PTPRT: variants seen among roughly 807,000 people sequenced by gnomAD.
The protein encoded by PTPRT is protein tyrosine phosphatase receptor type T, also known as receptor-type tyrosine-protein phosphatase T.
A neutral mutation model predicts 176.8 loss-of-function variants in PTPRT; 56 were observed. The ratio of observed to expected loss-of-function variants is 0.32; its 90% confidence interval spans 0.26 to 0.40. The LOEUF (loss-of-function observed/expected upper bound fraction) is 0.40, where lower values mean the gene tolerates loss of function less well. Among genes scored for constraint, PTPRT ranks in the 10% least tolerant of loss-of-function variants. The probability of loss-of-function intolerance (pLI) is 1.00; values close to 1 mark genes in which losing one functional copy is unlikely to be tolerated. For synonymous variants in PTPRT, 783 were observed against 739.0 expected, an observed-to-expected ratio of 1.06 and a Z score of -0.96; for missense variants, 1,540 against 1,908.2, an observed-to-expected ratio of 0.81 and a Z score of 3.60.
chr20:42,777,831 T>C (rs2145488696), intron 4 of PTPRT, among the ~76,000 whole-genome samples: 1 of 152,332 alleles, frequency 6.6e-6, no homozygotes, highest in Middle Eastern at 3.4e-3. Flanking sequence ...AGGCATTATA[T>C]ACATTGCCAG....
chr20:43,055,594 A>G (rs1987202080), intron 1 of PTPRT, among the ~76,000 whole-genome samples: 2 of 152,204 alleles, frequency 1.3e-5, no homozygotes, highest in Admixed American at 6.5e-5. Flanking sequence ...ACGGTAGTGG[A>G]AGCACAAAGA....
intron 8 of PTPRT, among the ~76,000 whole-genome samples, chr20:42,454,854 C>T (rs946450927): frequency 2.0e-5 from 3 of 152,202 alleles, no homozygotes; most frequent in Non-Finnish European, 4.4e-5. Flanking sequence ...CTGAATAATG[C>T]TTACTGCAAA....
chr20:42,595,511 T>C (rs1423811708), intron 7 of PTPRT, among the ~76,000 whole-genome samples: 3 of 152,114 alleles, frequency 2.0e-5, no homozygotes, highest in Non-Finnish European at 2.9e-5. Context: ...CAAGGGACCA[T>C]GAGTGAAGTT....
intron 2 of PTPRT, among the ~76,000 whole-genome samples, chr20:42,885,485 G>A (rs1341597039): frequency 1.3e-5 from 2 of 151,334 alleles, no homozygotes; most frequent in Admixed American, 6.6e-5. Flanking sequence ...AGCAGCGACC[G>A]TAAATTCTTC....
chr20:43,073,559 T>C (rs1329133864), intron 1 of PTPRT, among the ~76,000 whole-genome samples: 1 of 151,722 alleles, frequency 6.6e-6, no homozygotes, highest in Non-Finnish European at 1.5e-5. Flanking sequence ...GTTTTTTATA[T>C]ATATAAATAT....
At chr20:42,604,892 G>A (rs2073846599) in intron 7 of PTPRT, among the ~76,000 whole-genome samples, 1 of 152,194 alleles carries the variant, frequency 6.6e-6, no homozygotes, top group South Asian at 2.1e-4. Context: ...GGCTTGGTGT[G>A]TGCTGAGAGG....
chr20:42,335,359 A>C (rs1192175983), intron 11 of PTPRT, among the ~76,000 whole-genome samples: 1 of 152,048 alleles, frequency 6.6e-6, no homozygotes, highest in African/African-American at 2.4e-5. Flanking sequence ...CTTTCTCAAC[A>C]CCTTACTTTT....
intron 7 of PTPRT, among the ~76,000 whole-genome samples, chr20:42,607,208 C>T (rs1253942579): frequency 3.3e-5 from 5 of 151,934 alleles, no homozygotes; most frequent in African/African-American, 1.2e-4. Flanking sequence ...ATGAAGAGTT[C>T]GTATTTAATG....
intron 1 of PTPRT, among the ~76,000 whole-genome samples, chr20:43,123,048 T>G (rs2013325220): frequency 6.6e-6 from 1 of 152,082 alleles, no homozygotes; most frequent in Non-Finnish European, 1.5e-5. Flanking sequence ...GAGATGGGGT[T>G]TCATCATGTT....
At chr20:42,833,412 A>AAAAT (rs530414497) in intron 2 of PTPRT, among the ~76,000 whole-genome samples, 9 of 151,770 alleles carry the variant, frequency 5.9e-5, no homozygotes, top group African/African-American at 1.7e-4. Flanking sequence ...CATCTCTGAA[A>AAAAT]AAATAAATAA....
chr20:43,163,866 C>T (rs1188986645), intron 1 of PTPRT, among the ~76,000 whole-genome samples: 1 of 152,176 alleles, frequency 6.6e-6, no homozygotes, highest in Non-Finnish European at 1.5e-5. Flanking sequence ...GTTCCTCAAC[C>T]TCTCCTTTAC....
chr20:42,428,522 C>G (rs113437045), intron 9 of PTPRT, among the ~76,000 whole-genome samples: 63 of 152,092 alleles, frequency 4.1e-4, no homozygotes, highest in Non-Finnish European at 7.5e-4. Flanking sequence ...CCCAACTTGC[C>G]TTTTGCAATT....
chr20:43,169,458 G>C (rs2014941379), intron 1 of PTPRT, among the ~76,000 whole-genome samples: 1 of 152,164 alleles, frequency 6.6e-6, no homozygotes, highest in South Asian at 2.1e-4. Flanking sequence ...AGTTGATTGA[G>C]CTTTCATCAC....
chr20:43,155,559 A>G (rs1244272209), intron 1 of PTPRT, among the ~76,000 whole-genome samples: 1 of 152,206 alleles, frequency 6.6e-6, no homozygotes, highest in Admixed American at 6.6e-5. Flanking sequence ...GATGGTGGCC[A>G]AAAGATACAT....
intron 1 of PTPRT, among the ~76,000 whole-genome samples, chr20:43,097,217 G>A (rs2012208016): frequency 6.6e-6 from 1 of 152,182 alleles, no homozygotes; most frequent in Non-Finnish European, 1.5e-5. Flanking sequence ...CTGAGCTACA[G>A]GATCAGAGAA....
At chr20:42,031,939 C>T in the PTPRT span, among the ~76,000 whole-genome samples, 2 of 152,152 alleles carry the variant, frequency 1.3e-5, no homozygotes, top group Admixed American at 1.3e-4. Context: ...ATCTTCGCAA[C>T]ACTGTGAGAT....
At chr20:43,065,319 C>A (rs920541585) in intron 1 of PTPRT, among the ~76,000 whole-genome samples, 36 of 152,146 alleles carry the variant, frequency 2.4e-4, no homozygotes, top group African/African-American at 8.7e-4. Context: ...GAGGAGAATG[C>A]AAATCACATG....
intron 7 of PTPRT, among the ~76,000 whole-genome samples, chr20:42,534,947 A>G (rs1027730868): frequency 5.9e-5 from 9 of 152,174 alleles, no homozygotes; most frequent in Non-Finnish European, 1.2e-4. Context: ...TAAATGTTTA[A>G]TGTATGAATT....
intron 8 of PTPRT, among the ~76,000 whole-genome samples, chr20:42,464,715 A>C (rs2071076225): frequency 6.6e-6 from 1 of 152,020 alleles, no homozygotes; most frequent in Non-Finnish European, 1.5e-5. Flanking sequence ...AATAGCTTTC[A>C]CTCTTACACT....
Sources: allele counts gnomAD v4.1 joint callset (sites outside exome capture counted in the v4.1 genomes callset), GRCh38; gene constraint gnomAD v4.1.1; transcripts MANE v1.5; gene names NCBI Gene and HGNC (gene_info 2026-07-23, HGNC 2026-07-21).